Variants in TRPM1 observed in about 807,000 individuals in gnomAD.
TRPM1 encodes TRPM1-203 APA Isoform, Intron 10.
Under a neutral mutation model 149.4 loss-of-function variants are expected in TRPM1, and 113 were observed. The ratio of observed to expected loss-of-function variants is 0.76; its 90% CI spans 0.65 to 0.88. The LOEUF is 0.88. Among genes scored for constraint, TRPM1 ranks in the 40% least tolerant of loss-of-function variants. TRPM1 has a pLI of 0.00. For synonymous variants in TRPM1, 741 were observed against 759.5 expected, an observed-to-expected ratio of 0.98 and a Z score of 0.40; for missense variants, 1,976 against 2,038.7, an observed-to-expected ratio of 0.97 and a Z score of 0.59.
intron 4 of TRPM1, chr15:31,069,567 C>T (rs2034474339): frequency 8.3e-7 from 1 of 1,211,992 alleles, no homozygotes; most frequent in South Asian, 3.6e-5. Context: ...GAGGGCACTC[C>T]CTGTTTACAT....
chr15:31,141,631 G>C (rs966191086), intron 1 of TRPM1, among the ~76,000 whole-genome samples: 5 of 151,210 alleles, frequency 3.3e-5, no homozygotes, highest in Admixed American at 2.0e-4. Flanking sequence ...AGAGAATTTT[G>C]TGTGGTCATA....
In TRPM1 at chr15:31,050,571, G is replaced by T. The variant is rs376942698; in HGVS notation, c.1275C>A (p.Ser425Arg). 1.5e-5 allele frequency: 24 copies of T among 1,613,874 alleles called. No individual in the cohort carries two copies. In the African/African-American group the frequency reaches 2.8e-4, roughly 19 times the overall value. The part of the protein sequence containing the change: ...VFGPHWPPLG[S>R]LAPPTDSKAT... The stretch of plus-strand genomic sequence containing the variant: ...CTTTGCTGTCCGTCGGGGGTGCCAG[G>T]CTTCCCAGGGGCTGCAGTCCACAGC... Residue 425 changes from serine (S) to arginine (R), a missense_variant, in exon 12 of 28, where the codon AGC becomes AGA. Ser to Arg is a moderately radical substitution (Grantham distance 110). Transcript: ENST00000256552.
At chr15:31,078,078 ATGGCCGGCGGGAGCCTTGTGTCCT>A (rs2034759089) in intron 2 of TRPM1, among the ~76,000 whole-genome samples, 1 of 152,170 alleles carries the variant, frequency 6.6e-6, no homozygotes. Flanking sequence ...TAGAGAAACC[ATGGCCGGCGGGAGCCTTGTGTCCT>A]TGGCCACTTT....
chr15:31,097,732 C>T (rs955193073), intron 1 of TRPM1, among the ~76,000 whole-genome samples: 1 of 152,122 alleles, frequency 6.6e-6, no homozygotes, highest in African/African-American at 2.4e-5. Flanking sequence ...TCCAGCTCTA[C>T]AGGAACAAAC....
chr15:31,120,177 T>C (rs1038519930), intron 1 of TRPM1, among the ~76,000 whole-genome samples: 1 of 152,050 alleles, frequency 6.6e-6, no homozygotes, highest in Non-Finnish European at 1.5e-5. Flanking sequence ...ACTTTAAATA[T>C]AAAGATATAG....
At chr15:31,034,271 C>T (rs985532913) in intron 21 of TRPM1, among the ~76,000 whole-genome samples, 2 of 152,204 alleles carry the variant, frequency 1.3e-5, no homozygotes, top group African/African-American at 2.4e-5. Context: ...TCTGGGATAA[C>T]GAGTCATATG....
intron 27 of TRPM1, among the ~76,000 whole-genome samples, chr15:31,014,187 T>C (rs1198994346): frequency 1.3e-5 from 2 of 152,232 alleles, no homozygotes; most frequent in African/African-American, 2.4e-5. Context: ...GGTTAGTCTA[T>C]TGTTTGCCCC....
In TRPM1 at chr15:31,037,812, C is replaced by T. The variant is rs1378850947; in HGVS notation, c.2470G>A (p.Gly824Arg). ...DANADAGSRK[G>R]DEENEHKKQR... ...TTTTTGTGCTCGTTCTCCTCATCCC[C>T]CTTTCTTGAGCCAGCATCTGCATTT... The change falls in exon 20 of 28, where the codon GGG (glycine) becomes AGG (arginine). Residue 824 changes from glycine to arginine, a missense_variant. Transcript: ENST00000256552. 6.2e-7 allele frequency: 1 copy of T among 1,614,182 alleles called. No individual in the cohort carries two copies. The highest frequency in any genetic ancestry group is 1.3e-5 in the African/African-American group (1 of 75,032).
chr15:31,152,423 C>T (rs2036316313), intron 1 of TRPM1, among the ~76,000 whole-genome samples: 1 of 152,188 alleles, frequency 6.6e-6, no homozygotes, highest in Non-Finnish European at 1.5e-5. Context: ...CACTGCAGGG[C>T]CTTGGACAAA....
At position 31,066,098 on chromosome 15, in the gene TRPM1, G is replaced by A. The variant is rs774971698; in HGVS notation, c.768C>T (p.Ile256=). 12 of 1,613,976 alleles carry A rather than the reference G, an allele frequency of 7.4e-6. No individual in the cohort carries two copies. The highest frequency in any genetic ancestry group is 1.0e-5 in the Non-Finnish European group (12 of 1,179,988). Residue 256 remains isoleucine (I), a synonymous_variant, in exon 7 of 28, where the codon ATC becomes ATT. Coordinates refer to ENST00000256552, the MANE Select transcript of TRPM1 (RefSeq NM_001252024.2). ...VKLRRLLEKH[I]SLQKINTRLG... The stretch of plus-strand genomic sequence containing the variant: ...TACTTGTGTTGATCTTCTGCAGGGA[G>A]ATGTGCTTTTCCAGCAGCCTTCGCA...
In TRPM1 at chr15:31,066,126, T is replaced by C; in HGVS notation, c.740A>G (p.Lys247Arg). ...GTLGKYGAEV[K>R]LRRLLEKHIS... ...GTGCTTTTCCAGCAGCCTTCGCAGC[T>C]TCACCTCGGCGCCATACTTGCCCAG... Residue 247 changes from lysine to arginine, a missense_variant, in exon 7 of 28, where the codon AAG becomes AGG. Physicochemically the swap from Lys to Arg is conservative, Grantham distance 26. This residue lies in a region of TRPM1 where 1,332 missense variants were observed against 1,347.1 expected (regional missense o/e 0.99). Transcript: ENST00000256552. The C allele has an allele frequency of 6.2e-7, 1 of 1,614,212 alleles. No individual in the cohort carries two copies. Among genetic ancestry groups the C allele is most frequent in the Non-Finnish European group, 8.5e-7 (1 of 1,180,028 alleles).
Position 31,076,361 on chromosome 15 carries a change from C to G in TRPM1, c.83+544G>C, listed in dbSNP as rs145978398. 2.3e-3 allele frequency among the ~76,000 whole-genome samples: 352 copies of G among 152,238 alleles called. 2 individuals carry two copies. The highest frequency in any genetic ancestry group is 8.1e-3 in the African/African-American group (335 of 41,526). On this transcript the variant is annotated intron_variant, in intron 3 of 27. Coordinates refer to ENST00000256552, the MANE Select transcript of TRPM1 (RefSeq NM_001252024.2). ...CCAGACTCAGCCTCATAGCTTTTGC[C>G]CTTAGAGATGAGACATTTTAGTTAA...
At chr15:31,024,936 G>C (rs2032670443) in intron 27 of TRPM1, among the ~76,000 whole-genome samples, 1 of 152,142 alleles carries the variant, frequency 6.6e-6, no homozygotes, top group Non-Finnish European at 1.5e-5. Context: ...GGATTTGGTT[G>C]GGTCACAAGG....
chr15:31,113,881 A>G (rs943254892), intron 1 of TRPM1, among the ~76,000 whole-genome samples: 3 of 152,178 alleles, frequency 2.0e-5, no homozygotes, highest in African/African-American at 4.8e-5. Context: ...TACCGAGCAA[A>G]TTGACTTTGC....
intron 2 of TRPM1, 123 bp from the exon 3 acceptor site, chr15:31,077,107 T>C (rs1294705559): frequency 2.8e-6 from 2 of 708,572 alleles, no homozygotes; most frequent in African/African-American, 1.8e-5. Context: ...TCTGCAATAA[T>C]GGTGGATGCA....
At chr15:31,081,226 G>C in intron 2 of TRPM1, 127 bp downstream of exon 2, 2 of 728,876 alleles carry the variant, frequency 2.7e-6, no homozygotes, top group Non-Finnish European at 4.8e-6. Context: ...CCCGAGCCAG[G>C]CTCAATCCAC....
intron 27 of TRPM1, among the ~76,000 whole-genome samples, chr15:31,018,561 C>T (rs1321216374): frequency 8.7e-5 from 13 of 149,540 alleles, no homozygotes; most frequent in African/African-American, 2.5e-4. Flanking sequence ...TTAGTAGAGA[C>T]GGGGTTTCAC....
chr15:31,054,117 G>A (rs1015298548), intron 11 of TRPM1, among the ~76,000 whole-genome samples: 4 of 152,172 alleles, frequency 2.6e-5, no homozygotes. Context: ...TGGGCATAGA[G>A]TGTCCATTTT....
intron 1 of TRPM1, among the ~76,000 whole-genome samples, chr15:31,126,070 T>G (rs1217456935): frequency 1.3e-5 from 2 of 152,098 alleles, no homozygotes; most frequent in African/African-American, 4.8e-5. Flanking sequence ...AGGCAGAGAT[T>G]GCAGTGAGCC....
Sources: gnomAD v4.1 joint callset for allele counts (sites outside exome capture counted in the v4.1 genomes callset) on GRCh38, gnomAD v4.1.1 for gene constraint, gnomAD v4.1.1 regional missense constraint, MANE v1.5 for transcripts, NCBI Gene and HGNC (gene_info 2026-07-23, HGNC 2026-07-21) for gene names.